TTC13: variants seen among roughly 807,000 people sequenced by gnomAD.
TTC13 encodes tetratricopeptide repeat protein 13.
In TTC13, 62 loss-of-function variants were observed where a neutral mutation model predicts 120.0. That is an observed-to-expected ratio of 0.52 (90% CI 0.42 to 0.64). The LOEUF is 0.64. TTC13 is among the 30% of genes least tolerant of loss of function. The pLI is 0.00. For missense variants in TTC13, 824 were observed against 1,050.2 expected, an observed-to-expected ratio of 0.78 and a Z score of 2.98; for synonymous variants, 384 against 393.5, an observed-to-expected ratio of 0.98 and a Z score of 0.28.
chr1:230,913,259 T>C (rs1437984977), intron 18 of TTC13, among the ~76,000 whole-genome samples: 4 of 152,214 alleles, frequency 2.6e-5, no homozygotes, highest in Non-Finnish European at 4.4e-5. Flanking sequence ...ACAGGCATTT[T>C]TTGTATAACG....
intron 12 of TTC13, among the ~76,000 whole-genome samples, chr1:230,927,763 A>C (rs1673167595): frequency 6.6e-6 from 1 of 152,078 alleles, no homozygotes; most frequent in Non-Finnish European, 1.5e-5. Flanking sequence ...ATCCTTGTCT[A>C]CCCCAAAGTC....
chr1:230,931,173 T>C, intron 11 of TTC13, 125 bp downstream of exon 11: 2 of 875,614 alleles, frequency 2.3e-6, no homozygotes, highest in Non-Finnish European at 3.5e-6. Context: ...AAGGTGTGGC[T>C]GTGGATGAGT....
At chr1:230,941,158 G>A (rs1390960502) in intron 6 of TTC13, among the ~76,000 whole-genome samples, 1 of 152,106 alleles carries the variant, frequency 6.6e-6, no homozygotes, top group Non-Finnish European at 1.5e-5. Context: ...GTTGTATTCA[G>A]GCAACATGAA....
chr1:230,936,467 G>C (rs1377391253), intron 8 of TTC13: 1 of 312,174 alleles, frequency 3.2e-6, no homozygotes, highest in East Asian at 8.4e-5. Context: ...GTAACTAAGA[G>C]AACACTCTCA....
At chr1:230,910,812 G>A (rs901641653) in intron 20 of TTC13, among the ~76,000 whole-genome samples, 4 of 152,242 alleles carry the variant, frequency 2.6e-5, no homozygotes, top group Non-Finnish European at 5.9e-5. Flanking sequence ...ACTTAGGGGA[G>A]TTTTACTTTC....
At chr1:230,916,067 A>G (rs1392013424) in intron 18 of TTC13, 126 bp downstream of exon 18, 12 of 728,764 alleles carry the variant, frequency 1.6e-5, no homozygotes, top group East Asian at 2.5e-5. Flanking sequence ...TGCTCACTGG[A>G]CCTTGATACT....
In TTC13 at chr1:230,924,914, T is replaced by C; in HGVS notation, c.1648A>G (p.Lys550Glu). ...CGTGTCTTCCCATTCATTCGAACTTTCGAGTTGGTCCATGTACGCTGCACG... is the reference window on the plus strand; with the variant it reads ...CGTGTCTTCCCATTCATTCGAACTTCCGAGTTGGTCCATGTACGCTGCACG... Reference protein sequence around the residue: ...QAVQRTWTNSKVRMNGKTRLM... With the variant: ...QAVQRTWTNSEVRMNGKTRLM... Residue 550 changes from lysine (K) to glutamate (E), a missense_variant, in exon 14 of 23, where the codon AAA becomes GAA. Lys to Glu is a moderately conservative substitution (Grantham distance 56). Transcript: ENST00000366661. The C allele has an allele frequency of 1.2e-6, 2 of 1,614,206 alleles. No individual in the cohort carries two copies. Among genetic ancestry groups the C allele is most frequent in the Non-Finnish European group, 1.7e-6 (2 of 1,180,042 alleles).
At chr1:230,973,315 T>G (rs1295174811) in intron 1 of TTC13, among the ~76,000 whole-genome samples, 3 of 152,242 alleles carry the variant, frequency 2.0e-5, no homozygotes, top group Non-Finnish European at 4.4e-5. Context: ...ATTCCTTAAT[T>G]AAGAAAGCTA....
intron 8 of TTC13, among the ~76,000 whole-genome samples, chr1:230,937,733 T>G (rs1280898516): frequency 6.6e-6 from 1 of 152,248 alleles, no homozygotes; most frequent in Non-Finnish European, 1.5e-5. Context: ...TTTTCACAGA[T>G]AAAATAATCT....
chr1:230,919,455 G>A (rs1672365912), intron 17 of TTC13, among the ~76,000 whole-genome samples: 1 of 152,114 alleles, frequency 6.6e-6, no homozygotes, highest in Non-Finnish European at 1.5e-5. Context: ...AACACTTCCT[G>A]TTAGGCTCCA....
chr1:230,961,847 A>C (rs908682009), intron 1 of TTC13, among the ~76,000 whole-genome samples: 1 of 152,208 alleles, frequency 6.6e-6, no homozygotes, highest in Non-Finnish European at 1.5e-5. Flanking sequence ...TCTATGGGGC[A>C]GCATTTACCA....
At chr1:230,939,361 G>T in intron 8 of TTC13, 25 bp downstream of exon 8, 1 of 1,427,696 alleles carries the variant, frequency 7.0e-7, no homozygotes, top group Non-Finnish European at 9.8e-7. Context: ...TCATCATATG[G>T]TACACATATG....
At chr1:230,928,824 C>T in intron 12 of TTC13, 113 bp downstream of exon 12, 1 of 1,009,370 alleles carries the variant, frequency 9.9e-7, no homozygotes, top group East Asian at 2.5e-5. Flanking sequence ...CTCCTGGCCC[C>T]AGGCAATTCT....
chr1:230,933,894 G>T, intron 8 of TTC13, 33 bp from the exon 9 acceptor site: 1 of 1,368,484 alleles, frequency 7.3e-7, no homozygotes, highest in Non-Finnish European at 1.0e-6. Flanking sequence ...TATTTCATTT[G>T]CATAATTGTT....
intron 1 of TTC13, among the ~76,000 whole-genome samples, chr1:230,963,603 C>A (rs535084053): frequency 1.3e-4 from 19 of 150,672 alleles, no homozygotes; most frequent in Middle Eastern, 3.4e-3. Context: ...CCACTGCACT[C>A]CAGTCTGGAT....
At chr1:230,965,784 C>G (rs1231863387) in intron 1 of TTC13, among the ~76,000 whole-genome samples, 1 of 152,050 alleles carries the variant, frequency 6.6e-6, no homozygotes, top group Non-Finnish European at 1.5e-5. Flanking sequence ...TAGCTGGGAA[C>G]ACAGGCATGC....
At position 230,942,850 on chromosome 1, in the gene TTC13, A is replaced by G. The variant is rs1558197036; in HGVS notation, c.672+956T>C. Among the ~76,000 whole-genome samples, 1 of 152,116 alleles carries G rather than the reference A, an allele frequency of 6.6e-6. No individual in the cohort carries two copies. The highest frequency in any genetic ancestry group is 1.5e-5 in the Non-Finnish European group (1 of 68,006). ...TCGCTTCCTCCGACAGCCTCAGCAA[A>G]CACTCCCAACATTCCCCTTCTTCTC... On this transcript the variant is annotated intron_variant, in intron 6 of 22. Coordinates refer to ENST00000366661, the MANE Select transcript of TTC13 (RefSeq NM_024525.5). The surrounding 1 kb of genome is among the most constrained non-coding windows in gnomAD (Gnocchi z 4.0).
chr1:230,914,486 A>AAACTTT, intron 18 of TTC13, among the ~76,000 whole-genome samples: 2 of 151,908 alleles, frequency 1.3e-5, no homozygotes, highest in South Asian at 4.2e-4. Flanking sequence ...CCTCCCCGTC[A>AAACTTT]TGGGTTCAAG....
chr1:230,911,692 T>C, intron 19 of TTC13, 143 bp from the exon 20 acceptor site: 1 of 533,456 alleles, frequency 1.9e-6, no homozygotes, highest in Non-Finnish European at 3.2e-6. Context: ...TTTCAAATTC[T>C]TGAATATTCT....
Sources: allele counts gnomAD v4.1 joint callset (sites outside exome capture counted in the v4.1 genomes callset), GRCh38; gene constraint gnomAD v4.1.1; non-coding constraint Gnocchi (gnomAD v3.1); transcripts MANE v1.5; gene names NCBI Gene and HGNC (gene_info 2026-07-23, HGNC 2026-07-21).